Variants in NPEPPS observed in about 807,000 individuals in gnomAD.
NPEPPS encodes the protein aminopeptidase puromycin sensitive.
In NPEPPS, 14 loss-of-function variants were observed where a neutral mutation model predicts 115.5. That is an observed-to-expected ratio of 0.12 (90% CI 0.08 to 0.19). The LOEUF (loss-of-function observed/expected upper bound fraction) is 0.19, where lower values mean the gene tolerates loss of function less well. Ranked by LOEUF, NPEPPS falls within the 10% of genes least tolerant of loss-of-function variation. The pLI is 1.00. For synonymous variants in NPEPPS, 285 were observed against 390.6 expected (o/e 0.73, Z 3.19); for missense variants, 523 against 1,110.8 (o/e 0.47, Z 7.52).
Position 47,623,208 on chromosome 17 carries a change from T to G in NPEPPS, c.*1288T>G, listed in dbSNP as rs1476496046. 5.9e-6 allele frequency: 1 copy of G among 170,158 alleles called. No individual in the cohort carries two copies. Among genetic ancestry groups the G allele is most frequent in the Non-Finnish European group, 1.3e-5 (1 of 79,260 alleles). 10.5% of individuals were successfully genotyped at this position (170,158 alleles called of 1,614,324 possible). ...GTGAGACTGCTTCCTTGAAACATTTTTGTGCTATTGTTTTAAAAAAATAAT... is the reference window on the plus strand; with the variant it reads ...GTGAGACTGCTTCCTTGAAACATTTGTGTGCTATTGTTTTAAAAAAATAAT... On this transcript the variant is annotated 3_prime_UTR_variant, in exon 23 of 23. Transcript: ENST00000322157.
chr17:47,613,192 T>A (rs904201525), intron 18 of NPEPPS, among the ~76,000 whole-genome samples: 3 of 151,912 alleles, frequency 2.0e-5, no homozygotes, highest in Non-Finnish European at 4.4e-5. Context: ...TTTACCTTTG[T>A]GGTTGCTCAC....
At chr17:47,548,376 G>T (rs1909385735) in intron 2 of NPEPPS, 1 of 152,036 alleles carries the variant, frequency 6.6e-6, no homozygotes, top group Non-Finnish European at 1.5e-5. Flanking sequence ...GAGAAAAATA[G>T]AAGTACTTTA....
chr17:47,619,590 T>G (rs1914415648), intron 21 of NPEPPS, 147 bp from the exon 22 acceptor site: 1 of 703,304 alleles, frequency 1.4e-6, no homozygotes, highest in African/African-American at 1.8e-5. Context: ...GTTACTGGCT[T>G]TATTTAAGGA....
At chr17:47,548,612 G>A (rs1474715024) in intron 2 of NPEPPS, among the ~76,000 whole-genome samples, 1 of 58,170 alleles carries the variant, frequency 1.7e-5, no homozygotes, top group Admixed American at 1.7e-4. Context: ...TTTTTTTTTT[G>A]AGATGGAGTC....
chr17:47,560,346 G>A (rs1422814089), intron 2 of NPEPPS, among the ~76,000 whole-genome samples: 1 of 152,154 alleles, frequency 6.6e-6, no homozygotes. Flanking sequence ...ATTAAGAGCA[G>A]GGGCACCCTA....
chr17:47,597,537 A>G (rs1567864274), intron 13 of NPEPPS, among the ~76,000 whole-genome samples: 1 of 151,928 alleles, frequency 6.6e-6, no homozygotes, highest in Non-Finnish European at 1.5e-5. Flanking sequence ...TTACTTTTAT[A>G]TTTTAAAAAA....
At chr17:47,527,014 C>A (rs568225734), upstream of NPEPPS, among the ~76,000 whole-genome samples, 377 of 152,150 alleles carry the variant, frequency 2.5e-3, 3 homozygotes, top group African/African-American at 8.7e-3. Flanking sequence ...GAATCTGCTG[C>A]AAGATTCTCA....
chr17:47,530,777 G>A (rs1314344447), upstream of NPEPPS, among the ~76,000 whole-genome samples: 1 of 152,156 alleles, frequency 6.6e-6, no homozygotes, highest in Non-Finnish European at 1.5e-5. Context: ...TCCAGTTTGG[G>A]GTTTTGCTTG....
chr17:47,532,229 T>G (rs1339579189), intron 1 of NPEPPS, among the ~76,000 whole-genome samples: 2 of 152,130 alleles, frequency 1.3e-5, no homozygotes, highest in Non-Finnish European at 2.9e-5. Flanking sequence ...GCAGTGACTT[T>G]GTTCTCTCTT....
intron 3 of NPEPPS, among the ~76,000 whole-genome samples, chr17:47,571,894 T>A (rs1398383703): frequency 2.0e-5 from 3 of 152,260 alleles, no homozygotes; most frequent in African/African-American, 7.2e-5. Context: ...ACAAATAGGA[T>A]CACAAATCTC....
At chr17:47,526,155 T>C (rs1444978506), upstream of NPEPPS, among the ~76,000 whole-genome samples, 1 of 152,138 alleles carries the variant, frequency 6.6e-6, no homozygotes, top group Non-Finnish European at 1.5e-5. Context: ...GAGGTTGCAG[T>C]GAGCTGAGAT....
chr17:47,539,835 T>G (rs1014047871), intron 1 of NPEPPS, among the ~76,000 whole-genome samples: 33 of 152,178 alleles, frequency 2.2e-4, no homozygotes, highest in African/African-American at 7.5e-4. Context: ...TGTCTTTAGC[T>G]ATTATAGAAC....
In NPEPPS at chr17:47,623,019, CTAA is replaced by C. The variant is rs1914687542; in HGVS notation, c.*1103_*1105del. On this transcript the variant is annotated 3_prime_UTR_variant, in exon 23 of 23. Transcript: ENST00000322157. ...CCACTGTTTGCTTCAACAGTATATCCTAATAAGCCTCACCTATTTAATCCAATG... is the reference window on the plus strand; with the variant it reads ...CCACTGTTTGCTTCAACAGTATATCCTAAGCCTCACCTATTTAATCCAATG... 1.6e-5 allele frequency: 5 copies of C among 306,528 alleles called. No individual in the cohort carries two copies. Among genetic ancestry groups the C allele is most frequent in the South Asian group, 9.1e-5 (5 of 54,718 alleles). 19.0% of individuals were successfully genotyped at this position (306,528 alleles called of 1,614,324 possible). A position where few individuals can be genotyped will look rare whatever the true frequency, so the allele number is the denominator to read the frequency against.
intron 17 of NPEPPS, among the ~76,000 whole-genome samples, chr17:47,608,008 T>G (rs975497985): frequency 7.3e-5 from 11 of 151,480 alleles, no homozygotes; most frequent in African/African-American, 2.7e-4. Flanking sequence ...TACCCAGCTA[T>G]GTTTTTTTTT....
chr17:47,615,722 G>C (rs1005628260), intron 19 of NPEPPS, among the ~76,000 whole-genome samples: 1 of 152,124 alleles, frequency 6.6e-6, no homozygotes, highest in Non-Finnish European at 1.5e-5. Context: ...AAAAAAATAG[G>C]GGTTCTGTAA....
intron 4 of NPEPPS, chr17:47,579,883 G>A (rs1284374888): frequency 1.2e-5 from 2 of 173,688 alleles, no homozygotes; most frequent in Non-Finnish European, 2.4e-5. Context: ...GACATCTTTT[G>A]TTTATCTTAC....
At position 47,578,217 on chromosome 17, in the gene NPEPPS, AGAG is replaced by A. The variant is rs756666274; in HGVS notation, c.419-1172_419-1170del. ...CCTCTGTCTCAAAAAAAAAAAAAAA[AGAG>A]AGAAAGTCACAACATTTTGAACAAT... On this transcript the variant is annotated intron_variant, in intron 3 of 22. Coordinates refer to ENST00000322157, the MANE Select transcript of NPEPPS (RefSeq NM_006310.4). Among the ~76,000 whole-genome samples the A allele has an allele frequency of 8.0e-3, 465 of 58,462 alleles. 5 individuals carry two copies. The highest frequency in any genetic ancestry group is 0.067 in the South Asian group (89 of 1,330). 38.4% of individuals were successfully genotyped at this position (58,462 alleles called of 152,430 possible).
intron 1 of NPEPPS, among the ~76,000 whole-genome samples, chr17:47,542,533 C>T (rs1378033559): frequency 1.6e-5 from 2 of 128,048 alleles, no homozygotes; most frequent in Admixed American, 1.0e-4. Context: ...GCAACAAGAG[C>T]GAAGCTCCGT....
At chr17:47,565,505 CAAAAA>C (rs1172238090) in intron 2 of NPEPPS, among the ~76,000 whole-genome samples, 1 of 64,524 alleles carries the variant, frequency 1.5e-5, no homozygotes, top group Non-Finnish European at 2.9e-5. Context: ...GACTCCATCT[CAAAAA>C]AAAAAAAAAA....
Sources: gnomAD v4.1 joint callset for allele counts (sites outside exome capture counted in the v4.1 genomes callset) on GRCh38, gnomAD v4.1.1 for gene constraint, MANE v1.5 for transcripts, NCBI Gene and HGNC (gene_info 2026-07-23, HGNC 2026-07-21) for gene names.